The following GRIN2B variants were observed in gnomAD, a reference collection of about 807,000 sequenced individuals.
GRIN2B encodes the protein glutamate ionotropic receptor NMDA type subunit 2B, also known as glutamate receptor ionotropic, NMDA 2B.
Under a neutral mutation model 114.5 loss-of-function variants are expected in GRIN2B, and 5 were observed. The ratio of observed to expected loss-of-function variants is 0.04; its 90% CI spans 0.02 to 0.09. The LOEUF (loss-of-function observed/expected upper bound fraction) is 0.09. Among genes scored for constraint, GRIN2B ranks in the 10% least tolerant of loss-of-function variants. GRIN2B has a pLI of 1.00. For missense variants in GRIN2B, 1,108 were observed against 1,943.5 expected (o/e 0.57, Z 8.08); for synonymous variants, 787 against 745.1 (o/e 1.06, Z -0.92).
Position 13,616,514 on chromosome 12 carries a change from G to T in GRIN2B, c.1269C>A (p.Asp423Glu). The T allele has an allele frequency of 6.2e-7, 1 of 1,614,076 alleles. No individual in the cohort carries two copies. Among genetic ancestry groups the T allele is most frequent in the Non-Finnish European group, 8.5e-7 (1 of 1,179,942 alleles). ...EAPFVIVESV[D>E]PLSGTCMRNT... Reference sequence around the variant, plus strand: ...TCCTCATGCAGGTTCCACTCAGAGGGTCCACACTTTCCACAATGACAAATG... The same window carrying T: ...TCCTCATGCAGGTTCCACTCAGAGGTTCCACACTTTCCACAATGACAAATG... Residue 423 changes from aspartate to glutamate, a missense_variant, in exon 6 of 14, where the codon GAC becomes GAA. By Grantham distance (45) the Asp-to-Glu change is conservative (BLOSUM62 2). Around this residue, in one of 19 missense-constraint regions of GRIN2B, gnomAD observed 7 missense variants for 39.9 expected, o/e 0.18. Coordinates refer to ENST00000609686, the MANE Select transcript of GRIN2B (RefSeq NM_000834.5).
Position 13,981,379 on chromosome 12 carries a change from G to A in GRIN2B, c.-485C>T, listed in dbSNP as rs375973677. On this transcript the variant is annotated 5_prime_UTR_variant, in exon 1 of 14. Transcript: ENST00000609686. ...CCTCCGCGGTTGCAGTCTGCGGAGA[G>A]GGGTGGCCGGTGGCTGGGAATGGAG... 1 of 152,370 alleles carries A rather than the reference G, an allele frequency of 6.6e-6. No homozygotes were observed. Among genetic ancestry groups the A allele is most frequent in the African/African-American group, 2.4e-5 (1 of 41,572 alleles). 9.4% of individuals were successfully genotyped at this position (152,370 alleles called of 1,614,324 possible). A position where few individuals can be genotyped will look rare whatever the true frequency, so the allele number is the denominator to read the frequency against.
chr12:13,602,444 G>C (rs995110750), intron 10 of GRIN2B, among the ~76,000 whole-genome samples: 1 of 152,224 alleles, frequency 6.6e-6, no homozygotes, highest in Non-Finnish European at 1.5e-5. Context: ...TGACAGATCG[G>C]GCTGGAGGTT....
At chr12:13,874,747 C>G (rs144917976) in intron 2 of GRIN2B, among the ~76,000 whole-genome samples, 1 of 151,902 alleles carries the variant, frequency 6.6e-6, no homozygotes, top group Admixed American at 6.6e-5. Context: ...AAGAGGGGGA[C>G]GGGCAGTGAA....
rs1017562450 is a variant in GRIN2B at position 13,559,796 on chromosome 12, C to G, written c.*2987G>C. 6.6e-6 allele frequency: 1 copy of G among 152,170 alleles called. No individual in the cohort carries two copies. The highest frequency in any genetic ancestry group is 1.5e-5 in the Non-Finnish European group (1 of 68,034). The allele number at this position is 152,170 out of a possible 1,614,324, so 9.4% of individuals were successfully genotyped here. The stretch of plus-strand genomic sequence containing the variant: ...GGTGGAGATGGGGCAGGGAGTGAGT[C>G]AGCGCCCAGGTCCTAAAGAAGAAAA... On this transcript the variant is annotated 3_prime_UTR_variant, in exon 14 of 14. Coordinates refer to ENST00000609686, the MANE Select transcript of GRIN2B (RefSeq NM_000834.5).
Position 13,739,241 on chromosome 12 carries a change from A to G in GRIN2B, c.1010+14076T>C, listed in dbSNP as rs151255214. On this transcript the variant is annotated intron_variant, in intron 4 of 13. Transcript: ENST00000609686. ...ACTAAAAATACAAAATTAGTCGGGC[A>G]TGGTGGTGCATGCTACCCAGCTACT... Among the ~76,000 whole-genome samples, 1,203 of 151,898 alleles carry G rather than the reference A, an allele frequency of 7.9e-3. 16 individuals carry two copies. The highest frequency in any genetic ancestry group is 0.027 in the African/African-American group (1,104 of 41,446).
chr12:13,896,408 T>G (rs1276381672), intron 2 of GRIN2B, among the ~76,000 whole-genome samples: 1 of 152,136 alleles, frequency 6.6e-6, no homozygotes, highest in Admixed American at 6.5e-5. Context: ...AGCGATGGGT[T>G]AGTCCTTCAG....
intron 3 of GRIN2B, among the ~76,000 whole-genome samples, chr12:13,809,083 G>A (rs1042596452): frequency 3.3e-5 from 5 of 152,112 alleles, no homozygotes; most frequent in African/African-American, 7.2e-5. Context: ...CCTGTCCTGT[G>A]CATTGTAAGA....
At position 13,894,585 on chromosome 12, in the gene GRIN2B, T is replaced by C. The variant is rs554127665; in HGVS notation, c.-18-28359A>G. 6.6e-5 allele frequency among the ~76,000 whole-genome samples: 10 copies of C among 152,278 alleles called. No homozygotes were observed. The East Asian group carries it at 9.6e-4, about 15-fold the overall frequency. On this transcript the variant is annotated intron_variant, in intron 2 of 13. Coordinates refer to ENST00000609686, the MANE Select transcript of GRIN2B (RefSeq NM_000834.5). ...TTTGTTAGAATTCGAGTGACTTTTT[T>C]TTCTGTCAACTTTTCTATTTTTTTT...
At chr12:13,589,862 C>A (rs531290265) in intron 10 of GRIN2B, among the ~76,000 whole-genome samples, 2 of 152,216 alleles carry the variant, frequency 1.3e-5, no homozygotes, top group South Asian at 4.2e-4. Context: ...CGGCCTCTCC[C>A]AAACTCACAT....
At chr12:13,860,135 G>A (rs1865729465) in intron 3 of GRIN2B, among the ~76,000 whole-genome samples, 1 of 152,134 alleles carries the variant, frequency 6.6e-6, no homozygotes. Flanking sequence ...ACCACTGCCA[G>A]CCCATCTACT....
chr12:13,925,655 T>G (rs1184977298), intron 2 of GRIN2B, among the ~76,000 whole-genome samples: 1 of 151,964 alleles, frequency 6.6e-6, no homozygotes, highest in African/African-American at 2.4e-5. Flanking sequence ...ACCCCGCACT[T>G]CCCTAACAGC....
At chr12:13,907,354 G>T (rs1036249073) in intron 2 of GRIN2B, among the ~76,000 whole-genome samples, 2 of 152,122 alleles carry the variant, frequency 1.3e-5, no homozygotes, top group Non-Finnish European at 2.9e-5. Context: ...GCAGGGCGTG[G>T]TGGCACACAC....
At chr12:13,742,822 C>T (rs1426032710) in intron 4 of GRIN2B, among the ~76,000 whole-genome samples, 1 of 152,192 alleles carries the variant, frequency 6.6e-6, no homozygotes, top group African/African-American at 2.4e-5. Flanking sequence ...CTAGTGTGGC[C>T]ATTGACTGAT....
At chr12:13,760,049 A>C (rs940946045) in intron 3 of GRIN2B, among the ~76,000 whole-genome samples, 1 of 152,184 alleles carries the variant, frequency 6.6e-6, no homozygotes, top group African/African-American at 2.4e-5. Flanking sequence ...AAGTGCTCTC[A>C]ATCCTGACCA....
At chr12:13,722,802 G>T (rs1158293802) in intron 4 of GRIN2B, among the ~76,000 whole-genome samples, 1 of 152,082 alleles carries the variant, frequency 6.6e-6, no homozygotes, top group African/African-American at 2.4e-5. Flanking sequence ...AAAGAAACTG[G>T]AGTTGCTTGA....
At position 13,547,977 on chromosome 12, in the gene GRIN2B, A is replaced by ATTTTTTTTTTTTTTTTTTT; in HGVS notation, c.*14805_*14806insAAAAAAAAAAAAAAAAAAA. 1.7e-5 allele frequency: 1 copy of ATTTTTTTTTTTTTTTTTTT among 57,382 alleles called. No homozygotes were observed. The highest frequency in any genetic ancestry group is 3.6e-5 in the Non-Finnish European group (1 of 27,534). The allele number at this position is 57,382 out of a possible 1,614,324, so 3.6% of individuals were successfully genotyped here. On this transcript the variant is annotated 3_prime_UTR_variant, in exon 14 of 14. Coordinates refer to ENST00000609686, the MANE Select transcript of GRIN2B (RefSeq NM_000834.5). ...TGTGTGTGTATATATATATATATATATATATTTTTTTTTTTTTTCTGAAAG... is the reference window on the plus strand; with the variant it reads ...TGTGTGTGTATATATATATATATATATTTTTTTTTTTTTTTTTTTTATATTTTTTTTTTTTTTCTGAAAG...
chr12:13,625,568 T>C (rs1949557178), intron 5 of GRIN2B, among the ~76,000 whole-genome samples: 2 of 152,174 alleles, frequency 1.3e-5, no homozygotes, highest in African/African-American at 4.8e-5. Flanking sequence ...ACTACTACAA[T>C]TGAAAACATC....
chr12:13,684,689 T>C (rs1178926993), intron 4 of GRIN2B, among the ~76,000 whole-genome samples: 1 of 152,192 alleles, frequency 6.6e-6, no homozygotes, highest in Non-Finnish European at 1.5e-5. Flanking sequence ...AAAATCACTT[T>C]CTTAAAACAC....
intron 2 of GRIN2B, among the ~76,000 whole-genome samples, chr12:13,968,282 C>A (rs1017022104): frequency 6.6e-6 from 1 of 152,178 alleles, no homozygotes; most frequent in Non-Finnish European, 1.5e-5. Context: ...GAGCAGGATG[C>A]AGTTATTAAT....
Sources: allele counts gnomAD v4.1 joint callset (sites outside exome capture counted in the v4.1 genomes callset), GRCh38; gene constraint gnomAD v4.1.1; regional missense constraint gnomAD v4.1.1; transcripts MANE v1.5; gene names NCBI Gene and HGNC (gene_info 2026-07-23, HGNC 2026-07-21).